Variants in NEK10 observed in about 807,000 individuals in gnomAD.
NEK10 encodes the protein NIMA related kinase 10.
In NEK10, 122 loss-of-function variants were observed where a neutral mutation model predicts 159.8. The ratio of observed to expected loss-of-function variants is 0.76; its 90% CI spans 0.66 to 0.89. The LOEUF (loss-of-function observed/expected upper bound fraction) is 0.89. NEK10 is among the 40% of genes least tolerant of loss of function. The pLI, the probability that NEK10 is intolerant of heterozygous loss-of-function variation, is 0.00. For missense variants in NEK10, 1,342 were observed against 1,323.1 expected, an observed-to-expected ratio of 1.01 and a Z score of -0.22; for synonymous variants, 466 against 457.1, an observed-to-expected ratio of 1.02 and a Z score of -0.25.
intron 23 of NEK10, chr3:27,215,751 G>A (rs1325764574): frequency 2.8e-6 from 2 of 713,018 alleles, no homozygotes; most frequent in Admixed American, 4.0e-5. Flanking sequence ...GGCTGTACAG[G>A]AACCATGATG....
chr3:27,293,168 AAC>A (rs780160553), intron 16 of NEK10, among the ~76,000 whole-genome samples: 10 of 152,264 alleles, frequency 6.6e-5, no homozygotes, highest in South Asian at 2.1e-4. Flanking sequence ...CACACAAAAA[AAC>A]AGTTTGTTTT....
Position 27,291,336 on chromosome 3 carries a change from C to T in NEK10, c.1531G>A (p.Ala511Thr), listed in dbSNP as rs764042541. ...ENIESINQNK[A>T]PLKYIGNYAI... ...TAGTTGCCTATATATTTCAAAGGAGCTTTGTTCTGATTAATGCTTTCAATA... is the reference window on the plus strand; with the variant it reads ...TAGTTGCCTATATATTTCAAAGGAGTTTTGTTCTGATTAATGCTTTCAATA... Residue 511 changes from alanine (A) to threonine (T), a missense_variant, in exon 18 of 36, where the codon GCT becomes ACT. Ala to Thr is a moderately conservative substitution (Grantham distance 58). Coordinates refer to ENST00000691995, the MANE Select transcript of NEK10 (RefSeq NM_001394966.1). 3.1e-6 allele frequency: 5 copies of T among 1,612,968 alleles called. No individual in the cohort carries two copies. The African/African-American group carries it at 5.3e-5, about 17-fold the overall frequency.
intron 32 of NEK10, among the ~76,000 whole-genome samples, chr3:27,127,513 C>T (rs1454942477): frequency 6.6e-6 from 1 of 152,116 alleles, no homozygotes; most frequent in African/African-American, 2.4e-5. Flanking sequence ...CAAAACTATG[C>T]AGCATTTTAC....
At chr3:27,206,555 C>T in intron 23 of NEK10, 1 of 978,964 alleles carries the variant, frequency 1.0e-6, no homozygotes, top group Non-Finnish European at 1.2e-6. Context: ...ACTCATTCAT[C>T]TTCTCTTCAT....
chr3:27,111,693 T>C (rs1390346479), intron 35 of NEK10, among the ~76,000 whole-genome samples: 2 of 152,206 alleles, frequency 1.3e-5, no homozygotes, highest in African/African-American at 2.4e-5. Context: ...TTATCTTGTA[T>C]ACTGTTATTT....
chr3:27,261,917 T>C (rs2040449335), intron 22 of NEK10, among the ~76,000 whole-genome samples: 1 of 152,194 alleles, frequency 6.6e-6, no homozygotes, highest in African/African-American at 2.4e-5. Context: ...CTGTATTGGG[T>C]GCATATATAT....
intron 22 of NEK10, among the ~76,000 whole-genome samples, chr3:27,276,637 C>G (rs1439742744): frequency 6.6e-6 from 1 of 152,188 alleles, no homozygotes; most frequent in East Asian, 1.9e-4. Context: ...TGTCCAAAAC[C>G]TTACACCTAA....
intron 30 of NEK10, among the ~76,000 whole-genome samples, chr3:27,159,735 A>C (rs993166583): frequency 6.6e-6 from 1 of 152,038 alleles, no homozygotes; most frequent in African/African-American, 2.4e-5. Context: ...GTAATGTAAA[A>C]TAGTTTCATT....
intron 31 of NEK10, among the ~76,000 whole-genome samples, chr3:27,141,150 C>T (rs1261622379): frequency 1.3e-5 from 2 of 152,144 alleles, no homozygotes; most frequent in Non-Finnish European, 2.9e-5. Context: ...TTTCCTCTTT[C>T]TTTCTTAGAG....
rs2149592701 is a variant in NEK10 at position 27,311,179 on chromosome 3, C to A, written c.569-163G>T. 4 of 481,878 alleles carry A rather than the reference C, an allele frequency of 8.3e-6. No homozygotes were observed. In the East Asian group the frequency reaches 1.3e-4, roughly 16 times the overall value. 29.9% of individuals were successfully genotyped at this position (481,878 alleles called of 1,614,324 possible). ...GGAGCAGCATGGCTACTTTTTTACC[C>A]CAAGAATTACTCCTCAAGCTCCACT... On this transcript the variant is annotated intron_variant, in intron 8 of 35. Transcript: ENST00000691995.
intron 23 of NEK10, among the ~76,000 whole-genome samples, chr3:27,229,231 A>C (rs189155352): frequency 1.4e-3 from 218 of 152,348 alleles, no homozygotes; most frequent in Non-Finnish European, 2.1e-3. Context: ...AAGCCAGTGC[A>C]CAAAGTCTAC....
chr3:27,329,016 A>T (rs551630173), intron 5 of NEK10, among the ~76,000 whole-genome samples: 41 of 152,308 alleles, frequency 2.7e-4, no homozygotes, highest in Admixed American at 2.3e-3. Context: ...TCCCCACCCA[A>T]ATCTCATCTT....
chr3:27,151,044 C>T (rs1489759931), intron 30 of NEK10, among the ~76,000 whole-genome samples: 2 of 152,084 alleles, frequency 1.3e-5, no homozygotes, highest in Non-Finnish European at 2.9e-5. Context: ...CTAGCTCTGC[C>T]CCCACCTGAT....
chr3:27,257,485 T>C (rs1016695639), intron 22 of NEK10, among the ~76,000 whole-genome samples: 17 of 152,290 alleles, frequency 1.1e-4, no homozygotes, highest in Non-Finnish European at 2.4e-4. Context: ...TAAAATACCT[T>C]TCAGGTCAAA....
At chr3:27,265,934 G>C (rs1355351375) in intron 22 of NEK10, among the ~76,000 whole-genome samples, 1 of 151,378 alleles carries the variant, frequency 6.6e-6, no homozygotes, top group Non-Finnish European at 1.5e-5. Flanking sequence ...AGCCTCCCGA[G>C]TAGCTGGGAC....
chr3:27,174,360 T>C (rs1947301195), intron 28 of NEK10, 79 bp downstream of exon 28: 2 of 1,598,042 alleles, frequency 1.3e-6, no homozygotes, highest in African/African-American at 1.4e-5. Flanking sequence ...TATGGTGATA[T>C]TTGCTTGACT....
intron 5 of NEK10, among the ~76,000 whole-genome samples, chr3:27,337,999 G>T (rs896762980): frequency 1.3e-5 from 2 of 152,070 alleles, no homozygotes; most frequent in Non-Finnish European, 2.9e-5. Flanking sequence ...CAACGTGCAG[G>T]TTTGTTACAT....
intron 31 of NEK10, among the ~76,000 whole-genome samples, chr3:27,136,798 A>G (rs999791190): frequency 1.3e-5 from 2 of 152,210 alleles, no homozygotes; most frequent in Non-Finnish European, 2.9e-5. Flanking sequence ...TGGAAACGAG[A>G]CAGAAAAGGC....
chr3:27,120,017 A>G (rs1192194811), intron 32 of NEK10, 149 bp from the exon 33 acceptor site: 2 of 546,596 alleles, frequency 3.7e-6, no homozygotes, highest in African/African-American at 3.8e-5. Context: ...AGATAAAGAA[A>G]TAATCTTCTT....
Sources: allele counts gnomAD v4.1 joint callset (sites outside exome capture counted in the v4.1 genomes callset), GRCh38; gene constraint gnomAD v4.1.1; transcripts MANE v1.5; gene names NCBI Gene and HGNC (gene_info 2026-07-23, HGNC 2026-07-21).